Variants in C6 observed in about 807,000 individuals in gnomAD.
The protein encoded by C6 is complement C6.
C6 carries 101 observed loss-of-function variants against 112.9 expected under a neutral mutation model. The observed-to-expected ratio is 0.89, with a 90% confidence interval of 0.76 to 1.06. C6 has a LOEUF of 1.06. Among genes scored for constraint, C6 ranks in the 50% least tolerant of loss-of-function variants. The pLI, the probability that C6 is intolerant of heterozygous loss-of-function variation, is 0.00. For synonymous variants in C6, 431 were observed against 384.1 expected (o/e 1.12, Z -1.43); for missense variants, 1,202 against 1,104.6 (o/e 1.09, Z -1.25).
chr5:41,242,354 A>G (rs1452271303), intron 1 of C6, among the ~76,000 whole-genome samples: 1 of 152,126 alleles, frequency 6.6e-6, no homozygotes, highest in Non-Finnish European at 1.5e-5. Flanking sequence ...CTGTCCTGTG[A>G]AGAAGGTGCC....
chr5:41,207,966 A>G (rs1308960892), intron 1 of C6, among the ~76,000 whole-genome samples: 3 of 152,184 alleles, frequency 2.0e-5, no homozygotes, highest in African/African-American at 7.2e-5. Flanking sequence ...AAAATTGACC[A>G]CAGAGTTGGA....
intron 1 of C6, among the ~76,000 whole-genome samples, chr5:41,257,844 A>G (rs1243440013): frequency 6.6e-6 from 1 of 152,134 alleles, no homozygotes; most frequent in Non-Finnish European, 1.5e-5. Flanking sequence ...TTGGCTAATT[A>G]TCAAATTTTC....
rs538749686 is a variant in C6, at chr5:41,177,174, G to A, written c.928-459C>T. The stretch of plus-strand genomic sequence containing the variant: ...ACAGCTTTGTCATTCTGGAAAAAGC[G>A]TTTCGATTCTCTAGACTTCAGTTGT... On this transcript the variant is annotated intron_variant, in intron 7 of 17. Transcript: ENST00000337836. Among the ~76,000 whole-genome samples the A allele has an allele frequency of 1.6e-4, 24 of 152,300 alleles. No homozygotes were observed. The South Asian group carries it at 2.5e-3, about 16-fold the overall frequency.
intron 1 of C6, among the ~76,000 whole-genome samples, chr5:41,247,370 C>T (rs1261873732): frequency 6.6e-6 from 1 of 152,034 alleles, no homozygotes; most frequent in Non-Finnish European, 1.5e-5. Flanking sequence ...AAATAAATAA[C>T]ATTACTATAC....
chr5:41,239,113 T>TTC (rs1471249504), intron 1 of C6, among the ~76,000 whole-genome samples: 3 of 140,988 alleles, frequency 2.1e-5, no homozygotes, highest in African/African-American at 8.3e-5. Context: ...TTTTCTTTCT[T>TTC]TTTTTTTTTT....
At chr5:41,239,000 CT>C (rs1740515889) in intron 1 of C6, among the ~76,000 whole-genome samples, 1 of 151,700 alleles carries the variant, frequency 6.6e-6, no homozygotes, top group South Asian at 2.1e-4. Flanking sequence ...TTTGTACATA[CT>C]TATGGGGTAA....
chr5:41,218,736 G>T (rs1018021747), intron 1 of C6, among the ~76,000 whole-genome samples: 1 of 152,138 alleles, frequency 6.6e-6, no homozygotes, highest in Non-Finnish European at 1.5e-5. Context: ...GTGGGACTTA[G>T]AAATACTATT....
At chr5:41,158,920 A>ATT in intron 12 of C6, 135 bp from the exon 13 acceptor site, 7 of 1,077,710 alleles carry the variant, frequency 6.5e-6, no homozygotes. Context: ...CACACAGAAA[A>ATT]AGGCACGGCA....
At chr5:41,250,900 T>G (rs1465707132) in intron 1 of C6, among the ~76,000 whole-genome samples, 1 of 152,238 alleles carries the variant, frequency 6.6e-6, no homozygotes, top group Non-Finnish European at 1.5e-5. Context: ...TAGTGTAATG[T>G]GAAAAGATTC....
At chr5:41,218,440 G>A (rs919127281), upstream of C6, among the ~76,000 whole-genome samples, 14 of 152,100 alleles carry the variant, frequency 9.2e-5, no homozygotes, top group African/African-American at 3.1e-4. Context: ...CATAAAGACA[G>A]GAGAGAGAAA....
At position 41,149,926 on chromosome 5, in the gene C6, A is replaced by G. The variant is rs2150232023; in HGVS notation, c.2381+9T>C. ...AATTTCCAGACACAGTCTGTAGGGT[A>G]TCTCTTACCTACAGTCTTCTTCTGG... is the stretch of plus-strand genomic sequence containing the variant. On this transcript the variant is annotated intron_variant, in intron 16 of 17. Coordinates refer to ENST00000337836, the MANE Select transcript of C6 (RefSeq NM_000065.5). 4.4e-6 allele frequency: 7 copies of G among 1,585,206 alleles called. No individual in the cohort carries two copies. The highest frequency in any genetic ancestry group is 6.1e-6 in the Non-Finnish European group (7 of 1,153,774).
At chr5:41,148,438 AT>A (rs985220231) in intron 17 of C6, among the ~76,000 whole-genome samples, 4 of 152,134 alleles carry the variant, frequency 2.6e-5, no homozygotes, top group African/African-American at 9.7e-5. Context: ...CCAGGGGCCA[AT>A]TTTTTTATGG....
chr5:41,175,875 T>G (rs906925217), intron 8 of C6, among the ~76,000 whole-genome samples: 4 of 152,326 alleles, frequency 2.6e-5, no homozygotes, highest in African/African-American at 9.6e-5. Context: ...ATGCAGGCAG[T>G]GTGGAAAGCC....
At chr5:41,219,084 A>G (rs977515941) in intron 1 of C6, among the ~76,000 whole-genome samples, 1 of 152,244 alleles carries the variant, frequency 6.6e-6, no homozygotes, top group Non-Finnish European at 1.5e-5. Context: ...CTGCTTAATC[A>G]GAATGGATGC....
chr5:41,159,531 C>T (rs751894733), intron 11 of C6: 64 of 900,592 alleles, frequency 7.1e-5, no homozygotes, highest in Non-Finnish European at 8.1e-5. Flanking sequence ...GTATTCTTGG[C>T]TTTGGAGGCC....
upstream of C6, among the ~76,000 whole-genome samples, chr5:41,218,288 C>A (rs1020926984): frequency 1.3e-5 from 2 of 152,050 alleles, no homozygotes; most frequent in Admixed American, 6.6e-5. Context: ...TCATCATATT[C>A]ACTGTAATTA....
In C6 at chr5:41,195,844, C is replaced by T; in HGVS notation, c.535G>A (p.Val179Ile). ...DERDCGRTKA[V>I]CTRKYNPIPS... ...ATGGGATTATACTTCCGTGTGCATA[C>T]TGCCTTTGTCCTCCCACAGTCCCTT... Residue 179 changes from valine (V) to isoleucine (I), a missense_variant, in exon 5 of 18, where the codon GTA becomes ATA. Physicochemically the swap from Val to Ile is conservative, Grantham distance 29. Coordinates refer to ENST00000337836, the MANE Select transcript of C6 (RefSeq NM_000065.5). 6.2e-7 allele frequency: 1 copy of T among 1,613,972 alleles called. No homozygotes were observed. Among genetic ancestry groups the T allele is most frequent in the Non-Finnish European group, 8.5e-7 (1 of 1,179,872 alleles).
intron 1 of C6, among the ~76,000 whole-genome samples, chr5:41,212,594 C>T (rs555153722): frequency 1.3e-5 from 2 of 152,268 alleles, no homozygotes; most frequent in African/African-American, 4.8e-5. Flanking sequence ...AAATTACACA[C>T]AGGCATTTTA....
rs1747216440 is a variant in C6, at chr5:41,159,107, A to C, written c.1831T>G (p.Cys611Gly). Reference sequence around the variant, plus strand: ...TTGTTTTCCATGATTGAAAATGTGCAGTCTTCCTCTTGTCGCTTCTCCCCC... The same window carrying C: ...TTGTTTTCCATGATTGAAAATGTGCCGTCTTCCTCTTGTCGCTTCTCCCCC... Reference protein sequence around the residue: ...CEGEKRQEEDCTFSIMENNGQ... With the variant: ...CEGEKRQEEDGTFSIMENNGQ... Residue 611 changes from cysteine (C) to glycine (G), a missense_variant, in exon 12 of 18, where the codon TGC becomes GGC. Coordinates refer to ENST00000337836, the MANE Select transcript of C6 (RefSeq NM_000065.5). 2 of 1,613,672 alleles carry C rather than the reference A, an allele frequency of 1.2e-6. No homozygotes were observed. Among genetic ancestry groups the C allele is most frequent in the Admixed American group, 1.7e-5 (1 of 59,986 alleles).
Sources: gnomAD v4.1 joint callset for allele counts (sites outside exome capture counted in the v4.1 genomes callset) on GRCh38, gnomAD v4.1.1 for gene constraint, MANE v1.5 for transcripts, NCBI Gene and HGNC (gene_info 2026-07-23, HGNC 2026-07-21) for gene names.